Variants in FLT1 observed in about 807,000 individuals in gnomAD.
FLT1 encodes the protein fms related receptor tyrosine kinase 1.
Under a neutral mutation model 156.3 loss-of-function variants are expected in FLT1, and 49 were observed. The ratio of observed to expected loss-of-function variants is 0.31; its 90% CI spans 0.25 to 0.40. FLT1 has a LOEUF of 0.40. FLT1 is among the 10% of genes least tolerant of loss of function. The pLI, the probability that FLT1 is intolerant of heterozygous loss-of-function variation, is 1.00. For synonymous variants in FLT1, 594 were observed against 583.8 expected, an observed-to-expected ratio of 1.02 and a Z score of -0.25; for missense variants, 1,322 against 1,637.2, an observed-to-expected ratio of 0.81 and a Z score of 3.32.
At position 28,426,732 on chromosome 13, in the gene FLT1, A is replaced by G. The variant is rs77625480; in HGVS notation, c.1436+427T>C. ...GGAAGAGCAAAGCCCAAAAGTAGGA[A>G]ACATAGTGATCACTGGTGTTGGGAA... On this transcript the variant is annotated intron_variant, in intron 10 of 29. Transcript: ENST00000282397. Among the ~76,000 whole-genome samples the G allele has an allele frequency of 5.9e-3, 893 of 152,296 alleles. 14 individuals are homozygous for G. Among genetic ancestry groups the G allele is most frequent in the African/African-American group, 0.02 (851 of 41,560 alleles).
At chr13:28,463,402 G>C (rs939316854) in intron 3 of FLT1, among the ~76,000 whole-genome samples, 1 of 152,190 alleles carries the variant, frequency 6.6e-6, no homozygotes, top group East Asian at 1.9e-4. Flanking sequence ...TACATGCTGG[G>C]TTTTGTGACA....
chr13:28,334,202 A>G, intron 17 of FLT1, 73 bp from the exon 18 acceptor site: 1 of 993,942 alleles, frequency 1.0e-6, no homozygotes, highest in Non-Finnish European at 1.6e-6. Context: ...CAGGAAGGAA[A>G]TGCCTTTTCC....
intron 14 of FLT1, among the ~76,000 whole-genome samples, chr13:28,366,539 G>A (rs554740387): frequency 2.0e-5 from 3 of 151,768 alleles, no homozygotes; most frequent in African/African-American, 7.3e-5. Flanking sequence ...GCACGATCTC[G>A]GCTCACTGCA....
chr13:28,456,311 A>G (rs1186152974), intron 3 of FLT1, among the ~76,000 whole-genome samples: 1 of 151,656 alleles, frequency 6.6e-6, no homozygotes, highest in Non-Finnish European at 1.5e-5. Context: ...TAAACTATGA[A>G]TATAAAAATA....
chr13:28,415,955 T>A lies in FLT1; in HGVS notation c.1437-10061A>T, dbSNP rs535973939. ...GGATCATCTTGTCAGGACATTAGTG[T>A]GTATATGATGCCACTTCAGAGGGAA... On this transcript the variant is annotated intron_variant, in intron 10 of 29. Transcript: ENST00000282397. Among the ~76,000 whole-genome samples, 7 of 152,292 alleles carry A rather than the reference T, an allele frequency of 4.6e-5. No individual in the cohort carries two copies. In the East Asian group the frequency reaches 9.7e-4, roughly 21 times the overall value.
chr13:28,375,680 C>A (rs983693500), intron 14 of FLT1, among the ~76,000 whole-genome samples: 11 of 152,180 alleles, frequency 7.2e-5, no homozygotes, highest in Non-Finnish European at 1.5e-4. Context: ...GAGCCCCTGA[C>A]CTTAATGACA....
chr13:28,463,350 G>A (rs927985151), intron 3 of FLT1, among the ~76,000 whole-genome samples: 1 of 152,210 alleles, frequency 6.6e-6, no homozygotes, highest in East Asian at 1.9e-4. Flanking sequence ...CTGTTACACA[G>A]CAGGCAATCA....
chr13:28,368,549 G>C, intron 14 of FLT1: 2 of 1,534,090 alleles, frequency 1.3e-6, no homozygotes, highest in Non-Finnish European at 1.8e-6. Flanking sequence ...CTATGATGAT[G>C]ATGATGATGA....
chr13:28,408,975 C>T (rs1875978281), intron 10 of FLT1, among the ~76,000 whole-genome samples: 1 of 152,168 alleles, frequency 6.6e-6, no homozygotes, highest in Non-Finnish European at 1.5e-5. Flanking sequence ...AACTTAATTT[C>T]GGACTAGAGA....
rs1870469372 is a variant in FLT1, at chr13:28,300,533, A to ACCCACACC, written c.*2633_*2634insGGTGTGGG. ...AACACACATACACCCACACACACACACACACACACACACACACACACACAT... is the reference window on the plus strand; with the variant it reads ...AACACACATACACCCACACACACACACCCACACCCACACACACACACACACACACACAT... On this transcript the variant is annotated 3_prime_UTR_variant, in exon 30 of 30. Transcript: ENST00000282397. 1 of 228,412 alleles carries ACCCACACC rather than the reference A, an allele frequency of 4.4e-6. No homozygotes were observed. The highest frequency in any genetic ancestry group is 2.2e-5 in the African/African-American group (1 of 44,840). 14.1% of individuals were successfully genotyped at this position (228,412 alleles called of 1,614,324 possible).
chr13:28,317,298 A>G (rs901788150), intron 25 of FLT1, among the ~76,000 whole-genome samples, 200 bp downstream of exon 25: 3 of 152,210 alleles, frequency 2.0e-5, no homozygotes, highest in Non-Finnish European at 2.9e-5. Context: ...GGGATGGGTC[A>G]AGGGCCACGT....
In FLT1 at chr13:28,368,401, C is replaced by T. The variant is rs147699990; in HGVS notation, c.2117-10716G>A. 4.5e-5 allele frequency: 60 copies of T among 1,335,190 alleles called. No homozygotes were observed. The African/African-American group carries it at 6.6e-4, about 15-fold the overall frequency. The allele number at this position is 1,335,190 out of a possible 1,614,324, so 82.7% of individuals were successfully genotyped here. The stretch of plus-strand genomic sequence containing the variant: ...TCCTGACCTCAAATGATCCACCTGC[C>T]TTGGCCTCCCAAAGTGCTGGGATTA... On this transcript the variant is annotated intron_variant, in intron 14 of 29. Coordinates refer to ENST00000282397, the MANE Select transcript of FLT1 (RefSeq NM_002019.4).
intron 16 of FLT1, among the ~76,000 whole-genome samples, chr13:28,340,683 C>A (rs117067825): frequency 6.6e-6 from 1 of 152,220 alleles, no homozygotes; most frequent in Non-Finnish European, 1.5e-5. Flanking sequence ...GACACCCACT[C>A]GCATTCTTCA....
At position 28,476,733 on chromosome 13, in the gene FLT1, A is replaced by G. The variant is rs931670203; in HGVS notation, c.65-9116T>C. Among the ~76,000 whole-genome samples, 4 of 152,224 alleles carry G rather than the reference A, an allele frequency of 2.6e-5. 1 individual carries two copies. Among genetic ancestry groups the G allele is most frequent in the Admixed American group, 2.0e-4 (3 of 15,276 alleles). On this transcript the variant is annotated intron_variant, in intron 1 of 29. Transcript: ENST00000282397. ...TATATAGCATTTATGTCTTGAATCC[A>G]GGTGTCAAAAAATAAATCAAGAAAT...
intron 14 of FLT1, chr13:28,368,702 G>GTTT: frequency 1.5e-6 from 1 of 660,258 alleles, no homozygotes; most frequent in African/African-American, 2.1e-5. Flanking sequence ...TAGATTGGCA[G>GTTT]CTTTTTTTTT....
intron 12 of FLT1, among the ~76,000 whole-genome samples, chr13:28,391,627 C>T (rs1874727018): frequency 6.6e-6 from 1 of 152,208 alleles, no homozygotes; most frequent in African/African-American, 2.4e-5. Flanking sequence ...GTCAGGACCT[C>T]CTGAGGCTGT....
chr13:28,358,393 TA>T (rs1379431495), intron 14 of FLT1, among the ~76,000 whole-genome samples: 7 of 152,334 alleles, frequency 4.6e-5, no homozygotes, highest in Non-Finnish European at 7.3e-5. Flanking sequence ...TCAGTTTCCT[TA>T]ATCTTAAGAT....
At chr13:28,378,119 G>A (rs1484691716) in intron 14 of FLT1, among the ~76,000 whole-genome samples, 1 of 151,112 alleles carries the variant, frequency 6.6e-6, no homozygotes, top group African/African-American at 2.4e-5. Flanking sequence ...CGTGATCTCG[G>A]CTCACTGCAA....
At chr13:28,306,037 G>A (rs143837793) in intron 29 of FLT1, among the ~76,000 whole-genome samples, 1 of 152,348 alleles carries the variant, frequency 6.6e-6, no homozygotes, top group African/African-American at 2.4e-5. Flanking sequence ...ACATCCGACA[G>A]GTGCAGCTTT....
Sources: allele counts gnomAD v4.1 joint callset (sites outside exome capture counted in the v4.1 genomes callset), GRCh38; gene constraint gnomAD v4.1.1; transcripts MANE v1.5; gene names NCBI Gene and HGNC (gene_info 2026-07-23, HGNC 2026-07-21).